PINK1: variants seen among roughly 807,000 people sequenced by gnomAD.
The protein encoded by PINK1 is serine/threonine-protein kinase PINK1, mitochondrial.
In PINK1, 58 loss-of-function variants were observed where a neutral mutation model predicts 56.0. The ratio of observed to expected loss-of-function variants is 1.04; its 90% CI spans 0.84 to 1.29. PINK1 has a LOEUF of 1.29. Ranked by LOEUF, PINK1 falls within the 50% of genes most tolerant of loss-of-function variation. PINK1 has a pLI of 0.00. For synonymous variants in PINK1, 354 were observed against 339.3 expected (o/e 1.04, Z -0.48); for missense variants, 745 against 777.9 (o/e 0.96, Z 0.50).
In PINK1 at chr1:20,644,661, C is replaced by G. The variant is rs142183624; in HGVS notation, c.948C>G (p.Leu316=). ...EGLGHGRTLF[L]VMKNYPCTLR... The stretch of plus-strand genomic sequence containing the variant: ...TGGGCCATGGCCGGACGCTGTTCCT[C>G]GTTATGAAGAAGTAAGTGACAGCAG... The change falls in exon 4 of 8, where the codon CTC becomes CTG. Residue 316 remains leucine (L), a synonymous_variant. Transcript: ENST00000321556. 1.2e-6 allele frequency: 2 copies of G among 1,614,072 alleles called. No homozygotes were observed. The highest frequency in any genetic ancestry group is 1.3e-5 in the African/African-American group (1 of 74,950).
chr1:20,645,449 A>C (rs1216289860), intron 4 of PINK1, 111 bp from the exon 5 acceptor site: 13 of 1,240,360 alleles, frequency 1.0e-5, no homozygotes, highest in African/African-American at 9.1e-5. Context: ...AGATCGTGCT[A>C]CTGCACTCCA....
intron 3 of PINK1, among the ~76,000 whole-genome samples, chr1:20,643,770 G>A (rs1351508349): frequency 2.0e-5 from 3 of 152,138 alleles, no homozygotes; most frequent in East Asian, 1.9e-4. Flanking sequence ...CTTATGCAGC[G>A]TGTTAACACT....
chr1:20,640,051 C>A, intron 3 of PINK1, 59 bp downstream of exon 3: 1 of 1,368,160 alleles, frequency 7.3e-7, no homozygotes, highest in Non-Finnish European at 1.0e-6. Flanking sequence ...CTTCATCCAT[C>A]ACTTATGTCC....
At chr1:20,644,922 A>G (rs983858823) in intron 4 of PINK1, among the ~76,000 whole-genome samples, 6 of 152,156 alleles carry the variant, frequency 3.9e-5, no homozygotes, top group Admixed American at 2.6e-4. Context: ...GGTCCATTTG[A>G]CTGTTAACCT....
At position 20,638,051 on chromosome 1, in the gene PINK1, T is replaced by G; in HGVS notation, c.597T>G (p.Ser199Arg). The part of the protein sequence containing the change: ...GLLPGRGPGT[S>R]APGEGQERAP... ...TTCCAGGGAGAGGCCCAGGTACCAG[T>G]GCACCAGGAGAAGGGCAGGAGCGAG... is the stretch of plus-strand genomic sequence containing the variant. The change falls in exon 2 of 8, where the codon AGT becomes AGG. Residue 199 changes from serine to arginine, a missense_variant. Physicochemically the swap from Ser to Arg is moderately radical, Grantham distance 110 (BLOSUM62 -1). Transcript: ENST00000321556. 6.2e-7 allele frequency: 1 copy of G among 1,614,112 alleles called. No individual in the cohort carries two copies. Among genetic ancestry groups the G allele is most frequent in the Non-Finnish European group, 8.5e-7 (1 of 1,180,020 alleles).
In PINK1 at chr1:20,644,644, G is replaced by A. The variant is rs773906022; in HGVS notation, c.931G>A (p.Gly311Ser). ...CCTCCACCCTGAAGGCCTGGGCCAT[G>A]GCCGGACGCTGTTCCTCGTTATGAA... ...SRLHPEGLGHGRTLFLVMKNY... is the reference protein window; with the variant it reads ...SRLHPEGLGHSRTLFLVMKNY... The change falls in exon 4 of 8, where the codon GGC (glycine) becomes AGC (serine). Residue 311 changes from glycine to serine, a missense_variant. By Grantham distance (56) the Gly-to-Ser change is moderately conservative. Transcript: ENST00000321556. 5 of 1,614,120 alleles carry A rather than the reference G, an allele frequency of 3.1e-6. No homozygotes were observed. Among genetic ancestry groups the A allele is most frequent in the African/African-American group, 2.7e-5 (2 of 74,946 alleles).
At chr1:20,649,624 G>A in intron 7 of PINK1, 1 of 239,442 alleles carries the variant, frequency 4.2e-6, no homozygotes. Context: ...AATTAGCTGA[G>A]TGTCGTGGCA....
intron 5 of PINK1, 188 bp from the exon 6 acceptor site, chr1:20,648,317 G>C (rs983826329): frequency 8.9e-5 from 65 of 733,912 alleles, no homozygotes; most frequent in Middle Eastern, 7.2e-4. Flanking sequence ...GTACTTACTG[G>C]AGGCATTTCC....
rs2053015141 is a variant in PINK1 at position 20,633,624 on chromosome 1, G to C, written c.76G>C (p.Gly26Arg). The change falls in exon 1 of 8, where the codon GGC becomes CGC. Residue 26 changes from glycine to arginine, a missense_variant. By Grantham distance (125) the Gly-to-Arg change is moderately radical. Coordinates refer to ENST00000321556, the MANE Select transcript of PINK1 (RefSeq NM_032409.3). ...ALLLRFTGKPGRAYGLGRPGP... is the reference protein window; with the variant it reads ...ALLLRFTGKPRRAYGLGRPGP... ...GCTGCTGCGCTTCACGGGCAAGCCC[G>C]GCCGGGCCTACGGCTTGGGGCGGCC... 1 of 1,294,822 alleles carries C rather than the reference G, an allele frequency of 7.7e-7. No homozygotes were observed. Among genetic ancestry groups the C allele is most frequent in the Non-Finnish European group, 9.7e-7 (1 of 1,028,686 alleles). 80.2% of individuals were successfully genotyped at this position (1,294,822 alleles called of 1,614,324 possible).
At chr1:20,647,015 G>GAT (rs2053190384) in intron 5 of PINK1, among the ~76,000 whole-genome samples, 1 of 149,994 alleles carries the variant, frequency 6.7e-6, no homozygotes. Context: ...GAGTAGCTAG[G>GAT]ATTACAGGCA....
chr1:20,644,531 A>G lies in PINK1; in HGVS notation c.818A>G (p.Asn273Ser). The G allele has an allele frequency of 6.2e-7, 1 of 1,614,152 alleles. No individual in the cohort carries two copies. The highest frequency in any genetic ancestry group is 8.5e-7 in the Non-Finnish European group (1 of 1,180,024). Reference sequence around the variant, plus strand: ...CCCAAGCAACTAGCCCCTCACCCCAACATCATCCGGGTTCTCCGCGCCTTC... The same window carrying G: ...CCCAAGCAACTAGCCCCTCACCCCAGCATCATCCGGGTTCTCCGCGCCTTC... ...RGPKQLAPHPNIIRVLRAFTS... is the reference protein window; with the variant it reads ...RGPKQLAPHPSIIRVLRAFTS... The change falls in exon 4 of 8, where the codon AAC becomes AGC. Residue 273 changes from asparagine to serine, a missense_variant. Coordinates refer to ENST00000321556, the MANE Select transcript of PINK1 (RefSeq NM_032409.3).
Position 20,633,839 on chromosome 1 carries a change from C to G in PINK1, c.291C>G (p.Gly97=). 13 of 1,578,188 alleles carry G rather than the reference C, an allele frequency of 8.2e-6. No individual in the cohort carries two copies. Among genetic ancestry groups the G allele is most frequent in the Non-Finnish European group, 1.1e-5 (13 of 1,165,162 alleles). Residue 97 remains glycine, a synonymous_variant, in exon 1 of 8, where the codon GGC becomes GGG. Coordinates refer to ENST00000321556, the MANE Select transcript of PINK1 (RefSeq NM_032409.3). ...CCTGGGGCTGCGCGGGCCCTTGCGG[C>G]CGGGCAGTCTTTCTGGCCTTCGGGC... is the stretch of plus-strand genomic sequence containing the variant. The part of the protein sequence containing the change: ...VRAWGCAGPC[G]RAVFLAFGLG...
At chr1:20,649,417 A>T (rs1458548853) in intron 7 of PINK1, 186 bp downstream of exon 7, 3 of 622,620 alleles carry the variant, frequency 4.8e-6, no homozygotes, top group Non-Finnish European at 5.6e-6. Flanking sequence ...TAGCCACCAC[A>T]GCATAGTCAG....
intron 3 of PINK1, among the ~76,000 whole-genome samples, chr1:20,643,336 T>G (rs7521885): frequency 0.28 from 42,082 of 152,142 alleles, 5,985 homozygotes; most frequent in South Asian, 0.37. Flanking sequence ...AGGGCTGTGG[T>G]TTGGGGGTCG....
rs750499666 is a variant in PINK1, at chr1:20,649,237, G to T, written c.1488+6G>T. ...TCCAGCGAGAGGCCAGCAAGGTGAG[G>T]CTGTCCCCGGCTTCGAGGGGACGGT... is the stretch of plus-strand genomic sequence containing the variant. On this transcript the variant is annotated splice_donor_region_variant and intron_variant, in intron 7 of 7. Transcript: ENST00000321556. The T allele has an allele frequency of 2.4e-5, 38 of 1,613,620 alleles. No homozygotes were observed. In the South Asian group the frequency reaches 4.2e-4, roughly 18 times the overall value.
intron 5 of PINK1, among the ~76,000 whole-genome samples, chr1:20,646,073 A>G (rs2154533885): frequency 6.6e-6 from 1 of 152,106 alleles, no homozygotes; most frequent in Non-Finnish European, 1.5e-5. Flanking sequence ...GCAGTTTGAG[A>G]CCAGCCTGGG....
At chr1:20,638,541 C>A (rs999340446) in intron 2 of PINK1, 2 of 260,062 alleles carry the variant, frequency 7.7e-6, no homozygotes, top group South Asian at 4.3e-5. Flanking sequence ...TGGCTGGTGG[C>A]TGAAGTGGGA....
chr1:20,647,773 A>G (rs2053204253), intron 5 of PINK1, among the ~76,000 whole-genome samples: 2 of 152,000 alleles, frequency 1.3e-5, no homozygotes, highest in Admixed American at 1.3e-4. Flanking sequence ...CCAGCCAGGA[A>G]CTGGCTTTTT....
chr1:20,643,651 A>G (rs2053140979), intron 3 of PINK1, among the ~76,000 whole-genome samples: 1 of 152,250 alleles, frequency 6.6e-6, no homozygotes, highest in African/African-American at 2.4e-5. Flanking sequence ...TCTGGTACTC[A>G]GCATGCAAAC....
Sources: gnomAD v4.1 joint callset for allele counts (sites outside exome capture counted in the v4.1 genomes callset) on GRCh38, gnomAD v4.1.1 for gene constraint, MANE v1.5 for transcripts, NCBI Gene and HGNC (gene_info 2026-07-23, HGNC 2026-07-21) for gene names.